The following SLC44A1 variants were observed in gnomAD, a reference collection of about 807,000 sequenced individuals.
The protein encoded by SLC44A1 is solute carrier family 44 member 1.
A neutral mutation model predicts 79.3 loss-of-function variants in SLC44A1; 26 were observed. That is an observed-to-expected ratio of 0.33 (90% CI 0.24 to 0.46). The LOEUF is 0.46. Ranked by LOEUF, SLC44A1 falls within the 20% of genes least tolerant of loss-of-function variation. SLC44A1 has a pLI of 1.00. For missense variants in SLC44A1, 688 were observed against 798.1 expected (o/e 0.86, Z 1.66); for synonymous variants, 263 against 286.2 (o/e 0.92, Z 0.82).
At chr9:105,346,569 T>C (rs1380016905) in intron 4 of SLC44A1, among the ~76,000 whole-genome samples, 1 of 152,164 alleles carries the variant, frequency 6.6e-6, no homozygotes, top group Admixed American at 6.5e-5. Flanking sequence ...TTGCTATTTT[T>C]CATGAGCAAT....
At chr9:105,287,282 A>G (rs888383994) in intron 1 of SLC44A1, among the ~76,000 whole-genome samples, 6 of 152,228 alleles carry the variant, frequency 3.9e-5, no homozygotes, top group African/African-American at 1.4e-4. Context: ...ATTATACCTC[A>G]GTAAAGCTAG....
chr9:105,265,308 TCA>T (rs1298763075), intron 1 of SLC44A1, among the ~76,000 whole-genome samples: 2 of 152,198 alleles, frequency 1.3e-5, no homozygotes, highest in Non-Finnish European at 2.9e-5. Context: ...TGTCATCAGA[TCA>T]CTCCTCTACC....
At chr9:105,325,145 T>G (rs1422413859) in intron 3 of SLC44A1, among the ~76,000 whole-genome samples, 1 of 152,154 alleles carries the variant, frequency 6.6e-6, no homozygotes, top group Non-Finnish European at 1.5e-5. Context: ...ATGTGGTATA[T>G]CCACACAATG....
intron 12 of SLC44A1, among the ~76,000 whole-genome samples, chr9:105,371,344 G>A (rs536829517): frequency 6.6e-6 from 1 of 152,284 alleles, no homozygotes; most frequent in East Asian, 1.9e-4. Context: ...CTTTCACGAC[G>A]GCACAGTTCC....
intron 14 of SLC44A1, among the ~76,000 whole-genome samples, chr9:105,385,084 C>T (rs971673988): frequency 6.6e-6 from 1 of 152,028 alleles, no homozygotes; most frequent in African/African-American, 2.4e-5. Flanking sequence ...AAAAAAACAA[C>T]AACAACAAAT....
chr9:105,314,274 A>G (rs1284145698), intron 3 of SLC44A1, among the ~76,000 whole-genome samples: 5 of 152,168 alleles, frequency 3.3e-5, no homozygotes, highest in Admixed American at 2.0e-4. Flanking sequence ...AGATGCTCCC[A>G]TGTGCTGGGT....
chr9:105,424,722 G>A (rs768492662), intron 15 of SLC44A1, among the ~76,000 whole-genome samples: 4 of 152,008 alleles, frequency 2.6e-5, no homozygotes, highest in African/African-American at 4.8e-5. Flanking sequence ...CAAGGCAGGC[G>A]GATCACTTGA....
intron 14 of SLC44A1, among the ~76,000 whole-genome samples, 191 bp from the exon 15 acceptor site, chr9:105,385,230 TC>T (rs1828594066): frequency 6.6e-6 from 1 of 152,198 alleles, no homozygotes; most frequent in African/African-American, 2.4e-5. Context: ...ATTTTTTTAA[TC>T]AGCGAATTGC....
intron 3 of SLC44A1, among the ~76,000 whole-genome samples, chr9:105,313,969 G>T (rs1169865080): frequency 6.6e-6 from 1 of 151,840 alleles, no homozygotes; most frequent in Non-Finnish European, 1.5e-5. Flanking sequence ...TCGCCATGTT[G>T]CCCAGGCTGG....
intron 3 of SLC44A1, among the ~76,000 whole-genome samples, chr9:105,325,560 C>T (rs910173683): frequency 9.2e-5 from 14 of 152,104 alleles, no homozygotes; most frequent in African/African-American, 2.7e-4. Context: ...GATGAGGGGT[C>T]GAGTGTGCTG....
intron 12 of SLC44A1, among the ~76,000 whole-genome samples, chr9:105,368,309 AG>A (rs1305609064): frequency 3.9e-5 from 6 of 152,212 alleles, no homozygotes; most frequent in Non-Finnish European, 5.9e-5. Flanking sequence ...ATGTGAGGAA[AG>A]GCTTAGGGAG....
Position 105,364,560 on chromosome 9 carries a change from C to G in SLC44A1, c.1093C>G (p.Pro365Ala). 2.5e-6 allele frequency: 4 copies of G among 1,611,624 alleles called. No individual in the cohort carries two copies. Among genetic ancestry groups the G allele is most frequent in the Non-Finnish European group, 3.4e-6 (4 of 1,179,166 alleles). The change falls in exon 10 of 16, where the codon CCT becomes GCT. Residue 365 changes from proline to alanine, a missense_variant. By Grantham distance (27) the Pro-to-Ala change is conservative. Coordinates refer to ENST00000374720, the MANE Select transcript of SLC44A1 (RefSeq NM_080546.5). ...TLLFLGTTGSPVQNEQGFVEF... is the reference protein window; with the variant it reads ...TLLFLGTTGSAVQNEQGFVEF... Reference sequence around the variant, plus strand: ...CTTCCTTGATATTTTCCTAGGCAGTCCTGTTCAGAATGAGCAAGGCTTTGT... The same window carrying G: ...CTTCCTTGATATTTTCCTAGGCAGTGCTGTTCAGAATGAGCAAGGCTTTGT...
rs1828698669 is a variant in SLC44A1, at chr9:105,389,042, G to A, written c.1960G>A (p.Ala654Thr). Residue 654 changes from alanine to threonine, a missense_variant, in exon 16 of 16, where the codon GCA becomes ACA. Ala to Thr is a moderately conservative substitution (Grantham distance 58). Transcript: ENST00000374720. ...TGACTTTGTTTTCTAGGCTTCGGGAGCAAGTTCTGCTTGAACCTAGCCGAC... is the reference window on the plus strand; with the variant it reads ...TGACTTTGTTTTCTAGGCTTCGGGAACAAGTTCTGCTTGAACCTAGCCGAC... ...SRELKPMASG[A>T]SSA 4 of 1,612,800 alleles carry A rather than the reference G, an allele frequency of 2.5e-6. No homozygotes were observed. In the African/African-American group the frequency reaches 5.3e-5, roughly 22 times the overall value.
intron 15 of SLC44A1, among the ~76,000 whole-genome samples, chr9:105,414,302 G>A (rs1009742108): frequency 7.9e-5 from 12 of 152,066 alleles, no homozygotes; most frequent in African/African-American, 2.2e-4. Flanking sequence ...TGATCCGCCC[G>A]CCTCGGCCTC....
At chr9:105,328,604 C>T (rs923715179) in intron 3 of SLC44A1, among the ~76,000 whole-genome samples, 12 of 152,282 alleles carry the variant, frequency 7.9e-5, no homozygotes, top group African/African-American at 2.9e-4. Flanking sequence ...TGGGCTTCCT[C>T]TGCAGTTTAA....
Position 105,300,933 on chromosome 9 carries a change from G to A in SLC44A1, c.126+1624G>A, listed in dbSNP as rs570940199. ...TGGGATTACAGGCATGTACCACCAC[G>A]CCCAGCTAATTTTGAATTTTTAGAT... On this transcript the variant is annotated intron_variant, in intron 2 of 15. Transcript: ENST00000374720. 5.3e-5 allele frequency among the ~76,000 whole-genome samples: 8 copies of A among 151,896 alleles called. No individual in the cohort carries two copies. In the South Asian group the frequency reaches 8.3e-4, roughly 16 times the overall value.
rs1252207678 is a variant in SLC44A1, at chr9:105,392,644, A to G, written c.*3588A>G. 1.0e-6 allele frequency: 1 copy of G among 985,216 alleles called. No individual in the cohort carries two copies. The highest frequency in any genetic ancestry group is 1.7e-5 in the African/African-American group (1 of 57,192). The allele number at this position is 985,216 out of a possible 1,614,324, so 61.0% of individuals were successfully genotyped here. The stretch of plus-strand genomic sequence containing the variant: ...CAAAACAGCTACAGGAACTGCAGGC[A>G]CCACATATGTGTGAGGCCACATCAC... On this transcript the variant is annotated 3_prime_UTR_variant, in exon 16 of 16. Transcript: ENST00000374720.
chr9:105,401,994 G>A (rs149787677), downstream of SLC44A1, among the ~76,000 whole-genome samples: 14 of 152,300 alleles, frequency 9.2e-5, no homozygotes, highest in Non-Finnish European at 1.8e-4. Flanking sequence ...TTAGCCAGAT[G>A]ATGAAGGGGT....
At chr9:105,324,685 G>A (rs1176389969) in intron 3 of SLC44A1, among the ~76,000 whole-genome samples, 1 of 152,228 alleles carries the variant, frequency 6.6e-6, no homozygotes, top group Non-Finnish European at 1.5e-5. Context: ...AGAAATCTGT[G>A]ATAGGCAAAG....
Sources: allele counts gnomAD v4.1 joint callset (sites outside exome capture counted in the v4.1 genomes callset), GRCh38; gene constraint gnomAD v4.1.1; transcripts MANE v1.5; gene names NCBI Gene and HGNC (gene_info 2026-07-23, HGNC 2026-07-21).